Variants in TMEM170A observed in about 807,000 individuals in gnomAD.
TMEM170A encodes transmembrane protein 170A.
In TMEM170A, 18 loss-of-function variants were observed where a neutral mutation model predicts 12.8. The observed-to-expected ratio is 1.41, with a 90% CI of 0.97 to 2.09. The LOEUF is 2.09. Among genes scored for constraint, TMEM170A ranks in the 30% most tolerant of loss-of-function variants. TMEM170A has a pLI of 0.00. For missense variants in TMEM170A, 220 were observed against 179.9 expected (o/e 1.22, Z -1.28); for synonymous variants, 107 against 76.2 (o/e 1.40, Z -2.11).
At chr16:75,462,709 T>A (rs1019247373) in intron 1 of TMEM170A, among the ~76,000 whole-genome samples, 1 of 152,234 alleles carries the variant, frequency 6.6e-6, no homozygotes, top group Non-Finnish European at 1.5e-5. Flanking sequence ...AGTAACTGTT[T>A]TAGCTAAATG....
Position 75,446,233 on chromosome 16 carries a change from T to TA in TMEM170A, c.*1324dup, listed in dbSNP as rs1169732761. ...TAATCACCAGAAACTATTTTGCAGA[T>TA]AACCACCACCACTACCACCACACTG... On this transcript the variant is annotated 3_prime_UTR_variant, in exon 3 of 3. Coordinates refer to ENST00000561878, the MANE Select transcript of TMEM170A (RefSeq NM_145254.3). 1 of 150,672 alleles carries TA rather than the reference T, an allele frequency of 6.6e-6. No individual in the cohort carries two copies. Among genetic ancestry groups the TA allele is most frequent in the Non-Finnish European group, 1.5e-5 (1 of 67,782 alleles). The allele number at this position is 150,672 out of a possible 1,614,324, so 9.3% of individuals were successfully genotyped here.
At chr16:75,458,946 T>G (rs927688267) in intron 1 of TMEM170A, 1 of 152,114 alleles carries the variant, frequency 6.6e-6, no homozygotes, top group African/African-American at 2.4e-5. Flanking sequence ...CAGGCTGGAG[T>G]GCAGCGGCGT....
chr16:75,444,004 C>T lies in TMEM170A; in HGVS notation c.*3554G>A, dbSNP rs1049256607. On this transcript the variant is annotated 3_prime_UTR_variant, in exon 3 of 3. Coordinates refer to ENST00000561878, the MANE Select transcript of TMEM170A (RefSeq NM_145254.3). ...CTCAGCGGCCAAGGCAGGACAATCA[C>T]TTGAACCCAGGAAACGGAGGCTGCA... 6.6e-6 allele frequency: 1 copy of T among 151,836 alleles called. No homozygotes were observed. 9.4% of individuals were successfully genotyped at this position (151,836 alleles called of 1,614,324 possible).
At chr16:75,451,863 T>C (rs377450127) in intron 1 of TMEM170A, 24 bp from the exon 2 acceptor site, 197 of 1,587,714 alleles carry the variant, frequency 1.2e-4, no homozygotes, top group Non-Finnish European at 1.6e-4. Flanking sequence ...CAAAGAAAAG[T>C]TGTGAATCAC....
intron 1 of TMEM170A, among the ~76,000 whole-genome samples, chr16:75,463,049 T>G (rs894397114): frequency 5.3e-5 from 8 of 151,812 alleles, no homozygotes; most frequent in South Asian, 2.1e-4. Context: ...GTTATATATA[T>G]AGAGAGAGAG....
chr16:75,451,883 C>G, intron 1 of TMEM170A, 44 bp from the exon 2 acceptor site: 1 of 1,538,090 alleles, frequency 6.5e-7, no homozygotes, highest in South Asian at 1.2e-5. Flanking sequence ...CTGCCCTTCC[C>G]AGGACAATCA....
Position 75,462,567 on chromosome 16 carries a change from C to T in TMEM170A, c.133+1901G>A, listed in dbSNP as rs926521115. On this transcript the variant is annotated intron_variant, in intron 1 of 2. Coordinates refer to ENST00000561878, the MANE Select transcript of TMEM170A (RefSeq NM_145254.3). ...GAGTGGACGTCACCTAGGTAGGTAG[C>T]GTTCTGACCAAAAATGTTTAATCTA... Among the ~76,000 whole-genome samples the T allele has an allele frequency of 3.3e-5, 5 of 152,272 alleles. No homozygotes were observed. In the East Asian group the frequency reaches 7.7e-4, roughly 23 times the overall value.
At position 75,443,816 on chromosome 16, in the gene TMEM170A, T is replaced by C. The variant is rs37586; in HGVS notation, c.*3742A>G. 0.88 allele frequency: 134,388 copies of C among 152,228 alleles called. 59,906 individuals are homozygous for C. The highest frequency in any genetic ancestry group is 1 in the East Asian group (5,184 of 5,186). 9.4% of individuals were successfully genotyped at this position (152,228 alleles called of 1,614,324 possible). A position where few individuals can be genotyped will look rare whatever the true frequency, so the allele number is the denominator to read the frequency against. ...ATTCAAGAATCAAGAAGGCCAAGCA[T>C]GATGGCTCATGTCTATAGTCCCATC... is the stretch of plus-strand genomic sequence containing the variant. On this transcript the variant is annotated 3_prime_UTR_variant, in exon 3 of 3. Transcript: ENST00000561878.
rs1567695472 is a variant in TMEM170A, at chr16:75,446,371, AAGTT to A, written c.*1183_*1186del. On this transcript the variant is annotated 3_prime_UTR_variant, in exon 3 of 3. Transcript: ENST00000561878. ...TTTTCAGGCCTTTTAATGAAAAAGA[AAGTT>A]AGGCAGTAGAATAAAAATTTAAATA... The A allele has an allele frequency of 6.6e-6, 1 of 152,180 alleles. No homozygotes were observed. Among genetic ancestry groups the A allele is most frequent in the Non-Finnish European group, 1.5e-5 (1 of 68,024 alleles). The allele number at this position is 152,180 out of a possible 1,614,324, so 9.4% of individuals were successfully genotyped here.
At chr16:75,460,052 C>A in intron 1 of TMEM170A, 1 of 153,052 alleles carries the variant, frequency 6.5e-6, no homozygotes, top group Non-Finnish European at 1.5e-5. Context: ...TAGTCAACCA[C>A]CTCTCTCTGG....
chr16:75,455,383 T>G (rs975060390), intron 1 of TMEM170A, among the ~76,000 whole-genome samples: 1 of 143,546 alleles, frequency 7.0e-6, no homozygotes, highest in Non-Finnish European at 1.5e-5. Flanking sequence ...ATGCAATAGA[T>G]GTATATATAC....
At chr16:75,455,356 C>CAAAAA (rs59205915) in intron 1 of TMEM170A, among the ~76,000 whole-genome samples, 17,545 of 110,324 alleles carry the variant, frequency 0.16, 2,284 homozygotes, top group Non-Finnish European at 0.2. Context: ...GACACTGTCT[C>CAAAAA]AAAAAAAAAA....
At chr16:75,455,004 T>C (rs944904702) in intron 1 of TMEM170A, among the ~76,000 whole-genome samples, 7 of 152,226 alleles carry the variant, frequency 4.6e-5, no homozygotes, top group African/African-American at 1.7e-4. Flanking sequence ...TGGCTATCAC[T>C]GCAGAATTTG....
intron 1 of TMEM170A, among the ~76,000 whole-genome samples, chr16:75,454,469 T>C (rs247448): frequency 0.99 from 150,728 of 151,530 alleles, 74,965 homozygotes; most frequent in East Asian, 1. Flanking sequence ...TACACACACA[T>C]ACACACACAC....
intron 2 of TMEM170A, among the ~76,000 whole-genome samples, chr16:75,450,156 C>T (rs547614817): frequency 1.5e-5 from 2 of 134,780 alleles, no homozygotes; most frequent in East Asian, 2.1e-4. Flanking sequence ...AGTTAGAACA[C>T]AGAGAAACTA....
In TMEM170A at chr16:75,447,060, T is replaced by C. The variant is rs2079599505; in HGVS notation, c.*498A>G. The C allele has an allele frequency of 6.6e-6, 1 of 152,236 alleles. No individual in the cohort carries two copies. The highest frequency in any genetic ancestry group is 2.4e-5 in the African/African-American group (1 of 41,464). The allele number at this position is 152,236 out of a possible 1,614,324, so 9.4% of individuals were successfully genotyped here. A position where few individuals can be genotyped will look rare whatever the true frequency, so the allele number is the denominator to read the frequency against. Reference sequence around the variant, plus strand: ...ATTTCACCAAATTTGTTTTCAAAACTATACTCAACCAAAACCTATTTGGCA... The same window carrying C: ...ATTTCACCAAATTTGTTTTCAAAACCATACTCAACCAAAACCTATTTGGCA... On this transcript the variant is annotated 3_prime_UTR_variant, in exon 3 of 3. Coordinates refer to ENST00000561878, the MANE Select transcript of TMEM170A (RefSeq NM_145254.3).
chr16:75,460,967 C>T (rs1262309342), intron 1 of TMEM170A, among the ~76,000 whole-genome samples: 1 of 152,098 alleles, frequency 6.6e-6, no homozygotes, highest in East Asian at 1.9e-4. Flanking sequence ...AGATAAAGAT[C>T]TCAGTTTCTT....
At chr16:75,449,439 C>T (rs1326182494) in intron 2 of TMEM170A, among the ~76,000 whole-genome samples, 3 of 151,754 alleles carry the variant, frequency 2.0e-5, no homozygotes, top group Admixed American at 6.6e-5. Flanking sequence ...GTGATCCTCC[C>T]GAGCAGCTGG....
chr16:75,464,478 G>A lies in TMEM170A; in HGVS notation c.123C>T (p.Cys41=), dbSNP rs748720631. ...GTLCPNSTSL[C]SFPEMWYGVF... ...CGGGGCGGGCCGTACCTGGGAAGGAGCAGAGGGAAGTAGAGTTGGGGCACA... is the reference window on the plus strand; with the variant it reads ...CGGGGCGGGCCGTACCTGGGAAGGAACAGAGGGAAGTAGAGTTGGGGCACA... The change falls in exon 1 of 3, where the codon TGC becomes TGT. Residue 41 remains cysteine, a synonymous_variant. Coordinates refer to ENST00000561878, the MANE Select transcript of TMEM170A (RefSeq NM_145254.3). The A allele has an allele frequency of 1.4e-5, 21 of 1,547,794 alleles. No individual in the cohort carries two copies. The highest frequency in any genetic ancestry group is 1.2e-4 in the South Asian group (10 of 84,408).
Sources: gnomAD v4.1 joint callset for allele counts (sites outside exome capture counted in the v4.1 genomes callset) on GRCh38, gnomAD v4.1.1 for gene constraint, MANE v1.5 for transcripts, NCBI Gene and HGNC (gene_info 2026-07-23, HGNC 2026-07-21) for gene names.